CYP2F1: variants seen among roughly 807,000 people sequenced by gnomAD.
CYP2F1 encodes the protein cytochrome P450 family 2 subfamily F member 1, also known as cytochrome P450 2F1.
In CYP2F1, 33 loss-of-function variants were observed where a neutral mutation model predicts 40.4. The observed-to-expected ratio is 0.82, with a 90% confidence interval of 0.62 to 1.09. CYP2F1 has a LOEUF of 1.09. Ranked by LOEUF, CYP2F1 falls within the 50% of genes least tolerant of loss-of-function variation. The pLI, the probability that CYP2F1 is intolerant of heterozygous loss-of-function variation, is 0.00. For missense variants in CYP2F1, 566 were observed against 655.7 expected, an observed-to-expected ratio of 0.86 and a Z score of 1.49; for synonymous variants, 235 against 277.2, an observed-to-expected ratio of 0.85 and a Z score of 1.51.
At chr19:41,121,318 G>C (rs2032185234) in intron 4 of CYP2F1, 140 bp from the exon 5 acceptor site, 1 of 870,742 alleles carries the variant, frequency 1.1e-6, no homozygotes, top group African/African-American at 1.8e-5. Context: ...GCAGCATGTT[G>C]TGACCATGTC....
intron 3 of CYP2F1, among the ~76,000 whole-genome samples, chr19:41,117,766 C>T (rs1334026046): frequency 6.6e-6 from 1 of 152,184 alleles, no homozygotes; most frequent in African/African-American, 2.4e-5. Flanking sequence ...CACTTAAAAC[C>T]TCATCTATGT....
rs2032624986 is a variant in CYP2F1, at chr19:41,128,251, G to A, written c.*169G>A. On this transcript the variant is annotated 3_prime_UTR_variant, in exon 10 of 10. Coordinates refer to ENST00000331105, the MANE Select transcript of CYP2F1 (RefSeq NM_000774.5). ...CCCCCATCCCTCCAATCTGTGCCCC[G>A]TCTGCAGGGCAGAGGCAGATGTGGC... 6.5e-6 allele frequency: 4 copies of A among 615,590 alleles called. No individual in the cohort carries two copies. In the South Asian group the frequency reaches 9.2e-5, roughly 14 times the overall value. 38.1% of individuals were successfully genotyped at this position (615,590 alleles called of 1,614,324 possible).
chr19:41,116,723 A>T (rs2031835667), intron 3 of CYP2F1, 106 bp downstream of exon 3: 4 of 1,278,178 alleles, frequency 3.1e-6, no homozygotes, highest in Middle Eastern at 2.4e-4. Flanking sequence ...AGGGCTGCTG[A>T]CATCACTGAT....
intron 3 of CYP2F1, among the ~76,000 whole-genome samples, chr19:41,119,723 C>CTATATATATATATATATATA (rs1290627675): frequency 2.8e-5 from 1 of 35,826 alleles, no homozygotes; most frequent in Non-Finnish European, 5.2e-5. Context: ...CTCTCTCTCT[C>CTATATATATATATATATATA]TATATATATA....
chr19:41,124,638 A>C (rs1014920041), intron 7 of CYP2F1, 81 bp from the exon 8 acceptor site: 107 of 1,295,944 alleles, frequency 8.3e-5, no homozygotes, highest in Non-Finnish European at 1.1e-4. Flanking sequence ...GCCTCCCCAC[A>C]CACGCACACA....
intron 9 of CYP2F1, among the ~76,000 whole-genome samples, chr19:41,127,526 A>G (rs1388237275): frequency 2.0e-5 from 3 of 151,854 alleles, no homozygotes; most frequent in African/African-American, 7.3e-5. Context: ...TAGAGATGGG[A>G]TCTTGCTGTG....
rs2032197983 is a variant in CYP2F1, at chr19:41,121,489, T to A, written c.516T>A (p.Ser172Arg). Residue 172 changes from serine (S) to arginine (R), a missense_variant, in exon 5 of 10, where the codon AGT becomes AGA. This residue lies in a region of CYP2F1 where 264 missense variants were observed against 275.7 expected (regional missense o/e 0.96). Coordinates refer to ENST00000331105, the MANE Select transcript of CYP2F1 (RefSeq NM_000774.5). ...CCTTTGACCCCACGTTTGTGCTGAG[T>A]CGCTCAGTGTCCAACATTATCTGTT... ...GEPFDPTFVL[S>R]RSVSNIICSV... 3.1e-6 allele frequency: 5 copies of A among 1,609,750 alleles called. No individual in the cohort carries two copies. Among genetic ancestry groups the A allele is most frequent in the Non-Finnish European group, 4.2e-6 (5 of 1,179,756 alleles).
chr19:41,118,490 C>T (rs2031952383), intron 3 of CYP2F1, among the ~76,000 whole-genome samples: 2 of 152,246 alleles, frequency 1.3e-5, no homozygotes, highest in South Asian at 4.2e-4. Flanking sequence ...TACAATATTA[C>T]AATATTGTGT....
chr19:41,126,774 G>A (rs2032561259), intron 9 of CYP2F1, among the ~76,000 whole-genome samples: 1 of 151,424 alleles, frequency 6.6e-6, no homozygotes, highest in Non-Finnish European at 1.5e-5. Context: ...ATACTGACTA[G>A]CCAAAAATAA....
rs1326110633 is a variant in CYP2F1 at position 41,121,953 on chromosome 19, C to T, written c.646-4C>T. 6.2e-7 allele frequency: 1 copy of T among 1,612,766 alleles called. No individual in the cohort carries two copies. The highest frequency in any genetic ancestry group is 1.3e-5 in the African/African-American group (1 of 74,720). On this transcript the variant is annotated splice_region_variant and splice_polypyrimidine_tract_variant and intron_variant, in intron 5 of 9. Transcript: ENST00000331105. ...AAAACCCTCCTACTCTGTCTGGTCC[C>T]CAGTTGTACGACATCTTCCCGAGCC...
intron 7 of CYP2F1, 106 bp from the exon 8 acceptor site, chr19:41,124,613 A>G (rs2032437776): frequency 1.9e-6 from 2 of 1,066,000 alleles, no homozygotes; most frequent in Admixed American, 2.5e-5. Flanking sequence ...CCGCGCTGGG[A>G]GACTTTGACT....
chr19:41,122,302 C>T (rs1401324529), intron 6 of CYP2F1, among the ~76,000 whole-genome samples, 169 bp downstream of exon 6: 21 of 151,822 alleles, frequency 1.4e-4, no homozygotes, highest in Non-Finnish European at 1.6e-4. Flanking sequence ...TCGCAGCCAC[C>T]GCCAACTTAC....
intron 6 of CYP2F1, 126 bp downstream of exon 6, chr19:41,122,259 A>G (rs1390699428): frequency 7.6e-6 from 7 of 916,268 alleles, no homozygotes; most frequent in South Asian, 3.3e-5. Flanking sequence ...AAGCTGAAGC[A>G]TCTGGCCCAG....
intron 3 of CYP2F1, among the ~76,000 whole-genome samples, chr19:41,117,230 A>T (rs1487780226): frequency 6.6e-6 from 1 of 152,038 alleles, no homozygotes; most frequent in African/African-American, 2.4e-5. Context: ...TCCCAGGCTC[A>T]TGCGATTCTC....
At chr19:41,124,257 T>C (rs2873262) in intron 7 of CYP2F1, among the ~76,000 whole-genome samples, 5,567 of 20,474 alleles carry the variant, frequency 0.27, 464 homozygotes, top group African/African-American at 0.36. Context: ...CCCCCCCCCT[T>C]TTTTTTTTTT....
intron 3 of CYP2F1, 36 bp from the exon 4 acceptor site, chr19:41,120,311 T>C (rs551974134): frequency 1.9e-6 from 3 of 1,553,288 alleles, no homozygotes; most frequent in African/African-American, 2.8e-5. Flanking sequence ...TCAGGATGAG[T>C]TCCCGGTTAA....
intron 6 of CYP2F1, among the ~76,000 whole-genome samples, chr19:41,122,499 C>T (rs143597771): frequency 0.011 from 1,639 of 151,954 alleles, 29 homozygotes; most frequent in African/African-American, 0.037. Flanking sequence ...CATACACACA[C>T]ACATACATAC....
chr19:41,116,571 T>C lies in CYP2F1; in HGVS notation c.288T>C (p.Ser96=). The change falls in exon 3 of 10, where the codon AGT becomes AGC. Residue 96 remains serine (S), a synonymous_variant. Coordinates refer to ENST00000331105, the MANE Select transcript of CYP2F1 (RefSeq NM_000774.5). The part of the protein sequence containing the change: ...EALVDQGEEF[S]GRGDYPAFFN... ...TGGTGGACCAGGGAGAGGAGTTTAGTGGCCGCGGTGACTACCCTGCCTTTT... is the reference window on the plus strand; with the variant it reads ...TGGTGGACCAGGGAGAGGAGTTTAGCGGCCGCGGTGACTACCCTGCCTTTT... 1.9e-6 allele frequency: 3 copies of C among 1,614,048 alleles called. No individual in the cohort carries two copies. The highest frequency in any genetic ancestry group is 1.1e-5 in the South Asian group (1 of 91,072).
intron 1 of CYP2F1, among the ~76,000 whole-genome samples, chr19:41,115,910 T>C (rs762959041): frequency 3.9e-5 from 6 of 152,114 alleles, no homozygotes; most frequent in Non-Finnish European, 8.8e-5. Flanking sequence ...TCTTTATGCA[T>C]ATCTCTTGGC....
Sources: gnomAD v4.1 joint callset for allele counts (sites outside exome capture counted in the v4.1 genomes callset) on GRCh38, gnomAD v4.1.1 for gene constraint, gnomAD v4.1.1 regional missense constraint, MANE v1.5 for transcripts, NCBI Gene and HGNC (gene_info 2026-07-23, HGNC 2026-07-21) for gene names.